The following KDM6A variants were observed in gnomAD, a reference collection of about 807,000 sequenced individuals.
KDM6A encodes the protein lysine-specific demethylase 6A.
KDM6A carries 11 observed loss-of-function variants against 117.6 expected under a neutral mutation model. That is an observed-to-expected ratio of 0.09 (90% CI 0.06 to 0.15). KDM6A has a LOEUF of 0.15. Ranked by LOEUF, KDM6A falls within the 10% of genes least tolerant of loss-of-function variation. KDM6A has a pLI of 1.00. For synonymous variants in KDM6A, 384 were observed against 396.1 expected, an observed-to-expected ratio of 0.97 and a Z score of 0.36; for missense variants, 799 against 1,077.3, an observed-to-expected ratio of 0.74 and a Z score of 3.62.
intron 2 of KDM6A, among the ~76,000 whole-genome samples, chrX:44,932,605 T>G (rs1319655513): frequency 8.9e-6 from 1 of 111,866 alleles, no homozygotes; most frequent in Non-Finnish European, 1.9e-5. Flanking sequence ...GATTTTTCAC[T>G]TAACTGCCCT....
intron 2 of KDM6A, among the ~76,000 whole-genome samples, chrX:44,914,291 T>G (rs1050379852): frequency 8.9e-6 from 1 of 112,318 alleles, no homozygotes; most frequent in African/African-American, 3.2e-5. Flanking sequence ...AAGGGTCATT[T>G]GTACTTACCT....
intron 2 of KDM6A, among the ~76,000 whole-genome samples, chrX:44,903,338 GC>G (rs1290368477): frequency 1.8e-5 from 2 of 111,816 alleles, no homozygotes; most frequent in Non-Finnish European, 3.8e-5. Flanking sequence ...GATGAGGATC[GC>G]TTGTATGTGA....
intron 2 of KDM6A, among the ~76,000 whole-genome samples, chrX:44,946,708 T>G (rs1343830774): frequency 9.9e-6 from 1 of 100,518 alleles, no homozygotes; most frequent in Admixed American, 1.1e-4. Flanking sequence ...TTTAATAGGT[T>G]TTTTTATATG....
chrX:44,891,891 A>G (rs764724644), intron 2 of KDM6A, among the ~76,000 whole-genome samples: 5 of 112,533 alleles, frequency 4.4e-5, no homozygotes, highest in Non-Finnish European at 9.4e-5. Context: ...AAACACCTTT[A>G]AATAAGGAAG....
chrX:45,040,880 C>T (rs2043124610), intron 8 of KDM6A, among the ~76,000 whole-genome samples: 1 of 82,552 alleles, frequency 1.2e-5, no homozygotes, highest in Non-Finnish European at 2.4e-5. Context: ...GCTGACCCCC[C>T]CACCTCCCTC....
At chrX:44,932,776 G>A (rs2146970957) in intron 2 of KDM6A, among the ~76,000 whole-genome samples, 1 of 111,446 alleles carries the variant, frequency 9.0e-6, no homozygotes, top group South Asian at 3.7e-4. Flanking sequence ...AAACAAACCT[G>A]GAGTGGTTCT....
chrX:45,006,147 T>TC (rs1183803701), intron 4 of KDM6A, among the ~76,000 whole-genome samples: 2 of 71,939 alleles, frequency 2.8e-5, no homozygotes, highest in South Asian at 1.1e-3. Context: ...TACTGGCCAG[T>TC]CCCCCCCAGC....
chrX:44,997,405 G>A (rs2040913413), intron 4 of KDM6A, among the ~76,000 whole-genome samples: 1 of 111,809 alleles, frequency 8.9e-6, no homozygotes, highest in African/African-American at 3.2e-5. Flanking sequence ...GTGTGCCAGC[G>A]TTTGTGGGTG....
chrX:44,971,231 A>G (rs1467602883), intron 3 of KDM6A, among the ~76,000 whole-genome samples: 1 of 111,805 alleles, frequency 8.9e-6, no homozygotes, highest in Non-Finnish European at 1.9e-5. Flanking sequence ...CTCATGCATG[A>G]AGAACTAGGA....
chrX:44,954,866 G>A (rs1421706193), intron 2 of KDM6A, among the ~76,000 whole-genome samples: 2 of 111,229 alleles, frequency 1.8e-5, no homozygotes, highest in African/African-American at 6.5e-5. Context: ...CAGTAACGGT[G>A]TAGTACGGGC....
At chrX:44,895,216 C>T (rs1016487267) in intron 2 of KDM6A, among the ~76,000 whole-genome samples, 2 of 109,027 alleles carry the variant, frequency 1.8e-5, no homozygotes, top group Admixed American at 2.0e-4. Context: ...CGCCATTCTC[C>T]TGCCTCAACC....
intron 2 of KDM6A, among the ~76,000 whole-genome samples, chrX:44,922,028 C>CTTTGTT (rs2035981503): frequency 2.4e-5 from 1 of 41,645 alleles, no homozygotes; most frequent in Non-Finnish European, 4.1e-5. Flanking sequence ...TTGTGTGTGC[C>CTTTGTT]TTTTTTTTTT....
chrX:45,023,771 G>T (rs1344451335), intron 6 of KDM6A, among the ~76,000 whole-genome samples: 1 of 110,977 alleles, frequency 9.0e-6, no homozygotes, highest in Non-Finnish European at 1.9e-5. Context: ...TACCCAATGT[G>T]TAGTCTTTTA....
chrX:45,079,368 T>A lies in KDM6A; in HGVS notation c.3300+17T>A. 2 of 1,114,051 alleles carry A rather than the reference T, an allele frequency of 1.8e-6. No homozygotes were observed. The highest frequency in any genetic ancestry group is 2.5e-6 in the Non-Finnish European group (2 of 807,750). The allele number at this position is 1,114,051 out of a possible 1,213,427, so 91.8% of individuals were successfully genotyped here. ...TCATTGAGAGTAAGTATTTGTATCCTAAAGATTATTTTAGGATTTTAAAGA... is the reference window on the plus strand; with the variant it reads ...TCATTGAGAGTAAGTATTTGTATCCAAAAGATTATTTTAGGATTTTAAAGA... On this transcript the variant is annotated intron_variant, in intron 21 of 29. Transcript: ENST00000611820.
At chrX:44,911,833 C>T (rs745844396) in intron 2 of KDM6A, among the ~76,000 whole-genome samples, 123 of 111,813 alleles carry the variant, frequency 1.1e-3, no homozygotes, top group African/African-American at 3.9e-3. Context: ...GAGACCAGCC[C>T]GGCCAACACA....
At chrX:45,095,201 C>T (rs1014372167) in intron 27 of KDM6A, among the ~76,000 whole-genome samples, 1 of 111,077 alleles carries the variant, frequency 9.0e-6, no homozygotes, top group Non-Finnish European at 1.9e-5. Context: ...TTTCTCACAG[C>T]ATCCCAAGGT....
At chrX:44,935,817 C>T (rs960233824) in intron 2 of KDM6A, among the ~76,000 whole-genome samples, 5 of 111,784 alleles carry the variant, frequency 4.5e-5, no homozygotes, top group African/African-American at 1.6e-4. Flanking sequence ...GATCAGGTCG[C>T]GCTTGGCATC....
intron 2 of KDM6A, among the ~76,000 whole-genome samples, chrX:44,889,207 G>A (rs1323725179): frequency 9.0e-6 from 1 of 111,301 alleles, no homozygotes; most frequent in African/African-American, 3.3e-5. Flanking sequence ...TAGAGACAGG[G>A]TTTCGCCACG....
At chrX:45,095,043 A>G (rs1180169435) in intron 27 of KDM6A, among the ~76,000 whole-genome samples, 2 of 111,469 alleles carry the variant, frequency 1.8e-5, no homozygotes, top group African/African-American at 6.5e-5. Context: ...AAATAGAGCA[A>G]ACTTTTGGAT....
Sources: allele counts gnomAD v4.1 joint callset (sites outside exome capture counted in the v4.1 genomes callset), GRCh38; gene constraint gnomAD v4.1.1; transcripts MANE v1.5; gene names NCBI Gene and HGNC (gene_info 2026-07-23, HGNC 2026-07-21).